AP1M1: variants seen among roughly 807,000 people sequenced by gnomAD.
AP1M1 encodes the protein AP-1 complex subunit mu-1.
AP1M1 carries 18 observed loss-of-function variants against 57.1 expected under a neutral mutation model. The ratio of observed to expected loss-of-function variants is 0.32; its 90% confidence interval spans 0.22 to 0.47. The LOEUF is 0.47. AP1M1 is among the 20% of genes least tolerant of loss of function. The probability of loss-of-function intolerance (pLI) is 1.00; values close to 1 mark genes in which losing one functional copy is unlikely to be tolerated. For missense variants in AP1M1, 362 were observed against 593.5 expected (o/e 0.61, Z 4.05); for synonymous variants, 241 against 237.9 (o/e 1.01, Z -0.12).
intron 5 of AP1M1, among the ~76,000 whole-genome samples, chr19:16,210,751 G>C (rs144627992): frequency 1.2e-3 from 187 of 152,092 alleles, no homozygotes; most frequent in African/African-American, 4.1e-3. Flanking sequence ...CTAGAGACGG[G>C]GTTTCACCAT....
chr19:16,198,008 G>GCCGCCACCGCCCTCGGCCGCTGCCT lies in AP1M1; in HGVS notation c.-19_-18insCCGCCACCGCCCTCGGCCGCTGCCT. On this transcript the variant is annotated 5_prime_UTR_variant, in exon 1 of 12. Transcript: ENST00000291439. ...GCCGCCACCGCCCTCGGCCGCTGCC[G>GCCGCCACCGCCCTCGGCCGCTGCCT]AGGCCTCCTGCAGCCATCATGTCCG... 1 of 1,575,866 alleles carries GCCGCCACCGCCCTCGGCCGCTGCCT rather than the reference G, an allele frequency of 6.3e-7. No individual in the cohort carries two copies. The highest frequency in any genetic ancestry group is 8.6e-7 in the Non-Finnish European group (1 of 1,166,038).
rs1367001017 is a variant in AP1M1 at position 16,240,323 on chromosome 19, C to T, written c.*5888C>T. The T allele has an allele frequency of 2.7e-5, 4 of 149,952 alleles. No individual in the cohort carries two copies. Among genetic ancestry groups the T allele is most frequent in the African/African-American group, 9.9e-5 (4 of 40,390 alleles). The allele number at this position is 149,952 out of a possible 1,614,324, so 9.3% of individuals were successfully genotyped here. ...GTGTGATGTGCGTGTGTGGTTAGCA[C>T]AAGACAATAAGAAGGCCCAACATGC... On this transcript the variant is annotated 3_prime_UTR_variant, in exon 12 of 12. Transcript: ENST00000291439.
intron 5 of AP1M1, among the ~76,000 whole-genome samples, chr19:16,215,534 G>A (rs1275993398): frequency 6.7e-6 from 1 of 149,672 alleles, no homozygotes; most frequent in Non-Finnish European, 1.5e-5. Context: ...GGCTTGTAGG[G>A]TTTCTGCTGA....
At chr19:16,214,828 A>G (rs2091510699) in intron 5 of AP1M1, among the ~76,000 whole-genome samples, 1 of 151,684 alleles carries the variant, frequency 6.6e-6, no homozygotes, top group East Asian at 1.9e-4. Context: ...GGCTCACTGC[A>G]ACCTCTACCT....
chr19:16,201,427 T>TA (rs1408775835), intron 1 of AP1M1, among the ~76,000 whole-genome samples: 4 of 135,312 alleles, frequency 3.0e-5, no homozygotes, highest in African/African-American at 1.1e-4. Context: ...GAGATGGAGT[T>TA]ACGTTCTGTC....
chr19:16,206,114 GT>G lies in AP1M1; in HGVS notation c.200-226del, dbSNP rs2091468404. 6.6e-6 allele frequency among the ~76,000 whole-genome samples: 1 copy of G among 152,164 alleles called. No homozygotes were observed. The highest frequency in any genetic ancestry group is 2.4e-5 in the African/African-American group (1 of 41,428). Reference sequence around the variant, plus strand: ...GCCATCCCTGTGATTCTCCATCTCAGTGAGTGCTCCCTGGGGCCTGGGAGCG... The same window carrying G: ...GCCATCCCTGTGATTCTCCATCTCAGGAGTGCTCCCTGGGGCCTGGGAGCG... On this transcript the variant is annotated intron_variant, in intron 2 of 11. Transcript: ENST00000291439. The surrounding 1 kb of genome is among the most constrained non-coding windows in gnomAD (Gnocchi z 4.3).
chr19:16,224,334 G>A (rs2091560487), intron 5 of AP1M1, among the ~76,000 whole-genome samples: 1 of 152,210 alleles, frequency 6.6e-6, no homozygotes. Flanking sequence ...GGCTGCGGGG[G>A]TCCCCGCCAC....
intron 9 of AP1M1, among the ~76,000 whole-genome samples, chr19:16,229,516 G>C (rs902102432): frequency 6.6e-6 from 1 of 152,158 alleles, no homozygotes; most frequent in Non-Finnish European, 1.5e-5. Context: ...GAGCTGAGCC[G>C]GGTGGCACTG....
chr19:16,236,568 T>C lies in AP1M1; in HGVS notation c.*2133T>C, dbSNP rs967170570. On this transcript the variant is annotated 3_prime_UTR_variant, in exon 12 of 12. Transcript: ENST00000291439. ...AGATGACTCCTGCGTGAAGCTGGGA[T>C]CCTCGAGGGTCATGATACTTAACAG... 6.6e-6 allele frequency: 1 copy of C among 152,134 alleles called. No individual in the cohort carries two copies. The highest frequency in any genetic ancestry group is 2.4e-5 in the African/African-American group (1 of 41,422). 9.4% of individuals were successfully genotyped at this position (152,134 alleles called of 1,614,324 possible).
intron 5 of AP1M1, among the ~76,000 whole-genome samples, chr19:16,212,156 G>A (rs1260017563): frequency 1.3e-5 from 2 of 152,034 alleles, no homozygotes; most frequent in African/African-American, 2.4e-5. Flanking sequence ...CGTTTTTTTG[G>A]AATCATTTCA....
In AP1M1 at chr19:16,228,754, T is replaced by TTGGCC; in HGVS notation, c.889-8_889-4dup. 2 of 1,613,252 alleles carry TTGGCC rather than the reference T, an allele frequency of 1.2e-6. No homozygotes were observed. Among genetic ancestry groups the TTGGCC allele is most frequent in the Non-Finnish European group, 1.7e-6 (2 of 1,179,698 alleles). On this transcript the variant is annotated splice_polypyrimidine_tract_variant and intron_variant, in intron 8 of 11. Transcript: ENST00000291439. This position sits in a 1 kb window ranked among gnomAD's most constrained non-coding sequence, Gnocchi z 5.0. ...TTGGCCTCCATAACCCCGGGCCGCA[T>TTGGCC]TGGCCTGGCCTGCAGGCCAAAAGCC...
At chr19:16,225,946 G>C (rs1022924623) in intron 5 of AP1M1, among the ~76,000 whole-genome samples, 6 of 152,170 alleles carry the variant, frequency 3.9e-5, no homozygotes, top group Non-Finnish European at 8.8e-5. Context: ...CGGCTGAGCA[G>C]GGACCACAGG....
chr19:16,231,906 TA>T (rs1209074123), intron 9 of AP1M1, among the ~76,000 whole-genome samples: 2 of 152,362 alleles, frequency 1.3e-5, no homozygotes, highest in Admixed American at 6.5e-5. Context: ...GTCCTGTCCC[TA>T]CTGCTGTCTG....
intron 5 of AP1M1, among the ~76,000 whole-genome samples, chr19:16,212,345 G>A (rs929836755): frequency 1.5e-4 from 23 of 152,082 alleles, no homozygotes; most frequent in Admixed American, 2.6e-4. Context: ...ATATGTGTCC[G>A]GGAGATTATC....
At chr19:16,218,136 C>T (rs1019249565) in intron 5 of AP1M1, among the ~76,000 whole-genome samples, 3 of 152,252 alleles carry the variant, frequency 2.0e-5, no homozygotes, top group Non-Finnish European at 2.9e-5. Flanking sequence ...TGCAGAGCTG[C>T]CTCTGAGCTG....
intron 5 of AP1M1, among the ~76,000 whole-genome samples, chr19:16,224,546 G>A (rs960484841): frequency 4.6e-5 from 7 of 152,320 alleles, no homozygotes; most frequent in African/African-American, 1.2e-4. Context: ...TTCAGCACCC[G>A]CCCTGGGAAG....
At position 16,244,501 on chromosome 19, in the gene AP1M1, GAA is replaced by G. The variant is rs536084525; in HGVS notation, c.*10072_*10073del. On this transcript the variant is annotated 3_prime_UTR_variant, in exon 12 of 12. Coordinates refer to ENST00000291439, the MANE Select transcript of AP1M1 (RefSeq NM_032493.4). ...TTTAAGTGATAGAATTATACAACAG[GAA>G]AAAAAGTCTGCAGGGAGTAAACTGA... is the stretch of plus-strand genomic sequence containing the variant. 6.6e-6 allele frequency: 1 copy of G among 152,006 alleles called. No individual in the cohort carries two copies. The highest frequency in any genetic ancestry group is 6.6e-5 in the Admixed American group (1 of 15,246). The allele number at this position is 152,006 out of a possible 1,614,324, so 9.4% of individuals were successfully genotyped here.
intron 1 of AP1M1, among the ~76,000 whole-genome samples, chr19:16,201,397 T>C (rs1017321995): frequency 1.5e-5 from 2 of 135,082 alleles, no homozygotes; most frequent in Non-Finnish European, 3.2e-5. Context: ...TCTTTTTTTT[T>C]TTTTTTTTTT....
rs36058142 is a variant in AP1M1, at chr19:16,214,356, C to CT, written c.546+5192dup. On this transcript the variant is annotated intron_variant, in intron 5 of 11. Coordinates refer to ENST00000291439, the MANE Select transcript of AP1M1 (RefSeq NM_032493.4). ...ACAGGCGTGAGCCACTGCACCCGGC[C>CT]TTTTTTTTTTTTTGAGATGGAGTCT... Among the ~76,000 whole-genome samples, 475 of 131,886 alleles carry CT rather than the reference C, an allele frequency of 3.6e-3. 13 individuals carry two copies. The highest frequency in any genetic ancestry group is 8.6e-3 in the African/African-American group (302 of 35,200). The allele number at this position is 131,886 out of a possible 152,430, so 86.5% of individuals were successfully genotyped here.
Sources: gnomAD v4.1 joint callset for allele counts (sites outside exome capture counted in the v4.1 genomes callset) on GRCh38, gnomAD v4.1.1 for gene constraint, Gnocchi (gnomAD v3.1) non-coding constraint, MANE v1.5 for transcripts, NCBI Gene and HGNC (gene_info 2026-07-23, HGNC 2026-07-21) for gene names.